The following EMCN variants were observed in gnomAD, a reference collection of about 807,000 sequenced individuals.
The protein encoded by EMCN is endomucin.
EMCN carries 37 observed loss-of-function variants against 38.4 expected under a neutral mutation model. The observed-to-expected ratio is 0.96, with a 90% CI of 0.74 to 1.27. The LOEUF (loss-of-function observed/expected upper bound fraction) is 1.27. Among genes scored for constraint, EMCN ranks in the 50% most tolerant of loss-of-function variants. The pLI is 0.00. For synonymous variants in EMCN, 95 were observed against 100.8 expected (o/e 0.94, Z 0.35); for missense variants, 318 against 302.8 (o/e 1.05, Z -0.37).
intron 1 of EMCN, among the ~76,000 whole-genome samples, chr4:100,515,212 T>G (rs1369303245): frequency 6.6e-6 from 1 of 152,146 alleles, no homozygotes; most frequent in African/African-American, 2.4e-5. Context: ...TATTGTTTCC[T>G]TCTTCTTGGA....
At chr4:100,405,806 C>G (rs1726376500) in intron 11 of EMCN, among the ~76,000 whole-genome samples, 1 of 151,956 alleles carries the variant, frequency 6.6e-6, no homozygotes, top group South Asian at 2.1e-4. Flanking sequence ...GGTACCAGCT[C>G]TTCTTTGTAC....
At chr4:100,426,621 CA>C (rs1386930824) in intron 5 of EMCN, among the ~76,000 whole-genome samples, 1 of 152,164 alleles carries the variant, frequency 6.6e-6, no homozygotes, top group African/African-American at 2.4e-5. Flanking sequence ...GTCTCCCTGG[CA>C]AGTATTTAAA....
intron 11 of EMCN, among the ~76,000 whole-genome samples, chr4:100,404,255 T>G (rs189965101): frequency 6.6e-6 from 1 of 152,288 alleles, no homozygotes; most frequent in Non-Finnish European, 1.5e-5. Context: ...AGGATCCAGT[T>G]TTAATCTTCT....
At chr4:100,417,015 T>C in intron 9 of EMCN, 102 bp downstream of exon 9, 1 of 1,208,320 alleles carries the variant, frequency 8.3e-7, no homozygotes, top group South Asian at 1.3e-5. Context: ...ATGTAGATTT[T>C]CTACACTTTA....
intron 5 of EMCN, among the ~76,000 whole-genome samples, chr4:100,435,724 C>A (rs1727333730): frequency 6.6e-6 from 1 of 152,042 alleles, no homozygotes; most frequent in Non-Finnish European, 1.5e-5. Context: ...AATAAGACCA[C>A]ACACCTAAAA....
At chr4:100,464,171 A>G (rs1221781855) in intron 4 of EMCN, among the ~76,000 whole-genome samples, 6 of 151,932 alleles carry the variant, frequency 3.9e-5, no homozygotes, top group Admixed American at 2.0e-4. Flanking sequence ...GCTATTGAAG[A>G]TGGAATTATT....
chr4:100,440,992 G>A (rs566727517), intron 5 of EMCN, among the ~76,000 whole-genome samples: 1 of 152,130 alleles, frequency 6.6e-6, no homozygotes, highest in East Asian at 1.9e-4. Context: ...GGAAGCTGAG[G>A]CAGGAGAATG....
intron 10 of EMCN, among the ~76,000 whole-genome samples, chr4:100,411,805 G>A (rs571748483): frequency 2.0e-5 from 3 of 152,098 alleles, no homozygotes; most frequent in Non-Finnish European, 4.4e-5. Flanking sequence ...TTAAGATGAG[G>A]GAAAGACTAT....
At chr4:100,500,788 A>G (rs932990486) in intron 1 of EMCN, among the ~76,000 whole-genome samples, 3 of 152,120 alleles carry the variant, frequency 2.0e-5, no homozygotes, top group African/African-American at 4.8e-5. Flanking sequence ...TTTGCAATTG[A>G]TAGACATTTG....
rs3775351 is a variant in EMCN, at chr4:100,402,593, T to G, written c.*40-4220A>C. Among the ~76,000 whole-genome samples, 17 of 152,288 alleles carry G rather than the reference T, an allele frequency of 1.1e-4. No individual in the cohort carries two copies. The East Asian group carries it at 2.7e-3, about 24-fold the overall frequency. On this transcript the variant is annotated intron_variant, in intron 11 of 11. Coordinates refer to ENST00000296420, the MANE Select transcript of EMCN (RefSeq NM_016242.4). ...GTCAAACTTGTTTCTTCCCATTACT[T>G]TCTGATCTTTACTCTTCAGAACATC... is the stretch of plus-strand genomic sequence containing the variant.
rs1437556207 is a variant in EMCN at position 100,396,944 on chromosome 4, T to G, written c.*1469A>C. The stretch of plus-strand genomic sequence containing the variant: ...TCCTCTCTTCCTTTCCTTTCTTTCT[T>G]TTTTTTTTTTCTACTTCCCATCCTT... On this transcript the variant is annotated 3_prime_UTR_variant, in exon 12 of 12. Transcript: ENST00000296420. 1 of 137,104 alleles carries G rather than the reference T, an allele frequency of 7.3e-6. No homozygotes were observed. The highest frequency in any genetic ancestry group is 1.5e-5 in the Non-Finnish European group (1 of 66,666). 8.5% of individuals were successfully genotyped at this position (137,104 alleles called of 1,614,324 possible). A position where few individuals can be genotyped will look rare whatever the true frequency, so the allele number is the denominator to read the frequency against.
At chr4:100,492,942 A>C (rs975990367) in intron 1 of EMCN, among the ~76,000 whole-genome samples, 9 of 152,338 alleles carry the variant, frequency 5.9e-5, no homozygotes, top group African/African-American at 1.9e-4. Context: ...GCCTCAGTTT[A>C]TAATCTCATA....
chr4:100,449,371 A>C (rs1370174186), intron 4 of EMCN, among the ~76,000 whole-genome samples: 1 of 152,132 alleles, frequency 6.6e-6, no homozygotes, highest in African/African-American at 2.4e-5. Context: ...TCTTAAGGAA[A>C]AAACCAGGTA....
chr4:100,443,206 C>T (rs552366412), intron 5 of EMCN, among the ~76,000 whole-genome samples: 1 of 152,344 alleles, frequency 6.6e-6, no homozygotes, highest in East Asian at 1.9e-4. Flanking sequence ...TTCTTTGTCG[C>T]TAGTTATTGG....
chr4:100,463,199 C>T (rs1194624035), intron 4 of EMCN, among the ~76,000 whole-genome samples: 1 of 152,144 alleles, frequency 6.6e-6, no homozygotes, highest in African/African-American at 2.4e-5. Context: ...CTACTTGTCT[C>T]TCTGCCTCGC....
intron 1 of EMCN, among the ~76,000 whole-genome samples, chr4:100,505,316 A>C (rs1261276356): frequency 6.6e-6 from 1 of 152,102 alleles, no homozygotes; most frequent in African/African-American, 2.4e-5. Flanking sequence ...ACACGGGGAG[A>C]AAAACTCACT....
At chr4:100,448,467 G>A (rs1389365942) in intron 4 of EMCN, among the ~76,000 whole-genome samples, 2 of 152,012 alleles carry the variant, frequency 1.3e-5, no homozygotes, top group Non-Finnish European at 2.9e-5. Flanking sequence ...GGTGCCATTT[G>A]TTTTCCAGTT....
chr4:100,461,720 G>A (rs1728184016), intron 4 of EMCN, among the ~76,000 whole-genome samples: 1 of 152,096 alleles, frequency 6.6e-6, no homozygotes, highest in South Asian at 2.1e-4. Flanking sequence ...ACTTTCTAGG[G>A]AATAAAGCAA....
At chr4:100,516,729 G>C (rs1729768847) in intron 1 of EMCN, among the ~76,000 whole-genome samples, 1 of 152,058 alleles carries the variant, frequency 6.6e-6, no homozygotes, top group South Asian at 2.1e-4. Context: ...AGAAATGACT[G>C]ATAAAATGTT....
Sources: allele counts gnomAD v4.1 joint callset (sites outside exome capture counted in the v4.1 genomes callset), GRCh38; gene constraint gnomAD v4.1.1; transcripts MANE v1.5; gene names NCBI Gene and HGNC (gene_info 2026-07-23, HGNC 2026-07-21).